Variants in CNTNAP2 observed in about 807,000 individuals in gnomAD.
CNTNAP2 encodes the protein contactin associated protein 2.
CNTNAP2 carries 98 observed loss-of-function variants against 155.2 expected under a neutral mutation model. The ratio of observed to expected loss-of-function variants is 0.63; its 90% confidence interval spans 0.54 to 0.75. The LOEUF (loss-of-function observed/expected upper bound fraction) is 0.75. Ranked by LOEUF, CNTNAP2 falls within the 30% of genes least tolerant of loss-of-function variation. The pLI, the probability that CNTNAP2 is intolerant of heterozygous loss-of-function variation, is 0.00. For missense variants in CNTNAP2, 1,727 were observed against 1,688.1 expected, an observed-to-expected ratio of 1.02 and a Z score of -0.40; for synonymous variants, 651 against 631.2, an observed-to-expected ratio of 1.03 and a Z score of -0.47.
chr7:146,693,554 T>A (rs1380883369), intron 1 of CNTNAP2, among the ~76,000 whole-genome samples: 2 of 152,156 alleles, frequency 1.3e-5, no homozygotes, highest in Non-Finnish European at 2.9e-5. Flanking sequence ...TTATAAGATA[T>A]AAGTTTAATT....
chr7:147,635,050 T>C (rs1795152306), intron 12 of CNTNAP2, among the ~76,000 whole-genome samples: 1 of 152,112 alleles, frequency 6.6e-6, no homozygotes, highest in Non-Finnish European at 1.5e-5. Flanking sequence ...ATAACTACCT[T>C]ACACATTCAA....
chr7:148,309,945 C>T (rs370097900), intron 21 of CNTNAP2, among the ~76,000 whole-genome samples: 2 of 151,968 alleles, frequency 1.3e-5, no homozygotes, highest in Non-Finnish European at 1.5e-5. Flanking sequence ...AGGGCTGCTT[C>T]GAGCGGGATT....
At chr7:146,207,089 G>T (rs147928376) in intron 1 of CNTNAP2, among the ~76,000 whole-genome samples, 1 of 151,904 alleles carries the variant, frequency 6.6e-6, no homozygotes, top group African/African-American at 2.4e-5. Flanking sequence ...TTGACCAAGT[G>T]CCTTTGACAA....
At chr7:147,000,206 TTC>T (rs1392418114) in intron 3 of CNTNAP2, among the ~76,000 whole-genome samples, 1 of 152,056 alleles carries the variant, frequency 6.6e-6, no homozygotes, top group Non-Finnish European at 1.5e-5. Flanking sequence ...GCTCTAGGAT[TTC>T]TGTTTGATTT....
intron 1 of CNTNAP2, among the ~76,000 whole-genome samples, chr7:146,390,560 A>G (rs1795525605): frequency 6.6e-6 from 1 of 150,784 alleles, no homozygotes; most frequent in Non-Finnish European, 1.5e-5. Context: ...CACACTATAT[A>G]TATATATTCT....
intron 1 of CNTNAP2, among the ~76,000 whole-genome samples, chr7:146,164,613 C>G (rs1160732164): frequency 1.3e-5 from 2 of 152,170 alleles, no homozygotes; most frequent in South Asian, 4.1e-4. Context: ...TTCTCAGTTT[C>G]CTTCTCATTT....
At chr7:146,244,467 G>A (rs376077526) in intron 1 of CNTNAP2, among the ~76,000 whole-genome samples, 1 of 152,198 alleles carries the variant, frequency 6.6e-6, no homozygotes, top group Non-Finnish European at 1.5e-5. Context: ...GTCTATACAG[G>A]AGCTCAAATG....
rs188762136 is a variant in CNTNAP2 at position 146,946,069 on chromosome 7, C to T, written c.403-97838C>T. Among the ~76,000 whole-genome samples, 4 of 139,252 alleles carry T rather than the reference C, an allele frequency of 2.9e-5. No individual in the cohort carries two copies. In the East Asian group the frequency reaches 7.8e-4, roughly 27 times the overall value. 91.4% of individuals were successfully genotyped at this position (139,252 alleles called of 152,430 possible). ...ATACTGAAAAGGAGACCCTTCCTTCCTTCCCTTCCTTCCTTCCTTCCTTCC... is the reference window on the plus strand; with the variant it reads ...ATACTGAAAAGGAGACCCTTCCTTCTTTCCCTTCCTTCCTTCCTTCCTTCC... On this transcript the variant is annotated intron_variant, in intron 3 of 23. Coordinates refer to ENST00000361727, the MANE Select transcript of CNTNAP2 (RefSeq NM_014141.6).
At chr7:146,732,220 C>T (rs1351261038) in intron 1 of CNTNAP2, among the ~76,000 whole-genome samples, 2 of 152,066 alleles carry the variant, frequency 1.3e-5, no homozygotes, top group Non-Finnish European at 2.9e-5. Context: ...ATTATTTTGA[C>T]CCTGCAAAGC....
chr7:147,616,781 G>T (rs1315618603), intron 12 of CNTNAP2, among the ~76,000 whole-genome samples: 1 of 152,018 alleles, frequency 6.6e-6, no homozygotes, highest in East Asian at 1.9e-4. Flanking sequence ...ACTGTAAGTT[G>T]CCTGAGATGA....
intron 4 of CNTNAP2, among the ~76,000 whole-genome samples, chr7:147,067,970 C>T (rs1301896836): frequency 6.6e-6 from 1 of 152,198 alleles, no homozygotes; most frequent in Non-Finnish European, 1.5e-5. Flanking sequence ...AGCCCATCGG[C>T]GTGTCAGCCT....
chr7:146,751,158 T>G (rs1801896343), intron 1 of CNTNAP2, among the ~76,000 whole-genome samples: 1 of 152,170 alleles, frequency 6.6e-6, no homozygotes, highest in Non-Finnish European at 1.5e-5. Flanking sequence ...TTAATAAATT[T>G]AAAGATAATC....
chr7:146,468,955 A>G (rs1796755286), intron 1 of CNTNAP2, among the ~76,000 whole-genome samples: 1 of 152,238 alleles, frequency 6.6e-6, no homozygotes, highest in Non-Finnish European at 1.5e-5. Flanking sequence ...TGGAAGAAAA[A>G]GAGGCACAGG....
At chr7:147,150,560 C>T (rs1219417031) in intron 8 of CNTNAP2, among the ~76,000 whole-genome samples, 2 of 152,046 alleles carry the variant, frequency 1.3e-5, no homozygotes, top group African/African-American at 4.8e-5. Flanking sequence ...AATTATTTTC[C>T]AACATCTACT....
At chr7:147,113,147 C>A (rs927018319) in intron 5 of CNTNAP2, among the ~76,000 whole-genome samples, 2 of 151,960 alleles carry the variant, frequency 1.3e-5, no homozygotes, top group Admixed American at 1.3e-4. Context: ...TTTTCCATTT[C>A]TTCTAGATTT....
intron 9 of CNTNAP2, among the ~76,000 whole-genome samples, chr7:147,348,095 C>T (rs1795908028): frequency 1.3e-5 from 2 of 152,112 alleles, no homozygotes; most frequent in South Asian, 4.1e-4. Context: ...AGCGGAAATG[C>T]TTCAGGATGT....
At chr7:148,250,349 C>T (rs752790557) in intron 20 of CNTNAP2, among the ~76,000 whole-genome samples, 1 of 152,166 alleles carries the variant, frequency 6.6e-6, no homozygotes, top group Non-Finnish European at 1.5e-5. Flanking sequence ...TTTACTTTTT[C>T]TCTGTGTCTC....
chr7:147,065,189 A>G (rs998391941), intron 4 of CNTNAP2, among the ~76,000 whole-genome samples: 4 of 152,122 alleles, frequency 2.6e-5, no homozygotes, highest in Non-Finnish European at 5.9e-5. Context: ...TCAGTTTCCT[A>G]TATGTAAGGT....
intron 3 of CNTNAP2, among the ~76,000 whole-genome samples, chr7:146,968,177 A>G (rs80106747): frequency 0.046 from 6,995 of 151,428 alleles, 226 homozygotes; most frequent in Non-Finnish European, 0.073. Flanking sequence ...ATCATGGTGG[A>G]TAAGCTTTTT....
Sources: allele counts gnomAD v4.1 joint callset (sites outside exome capture counted in the v4.1 genomes callset), GRCh38; gene constraint gnomAD v4.1.1; transcripts MANE v1.5; gene names NCBI Gene and HGNC (gene_info 2026-07-23, HGNC 2026-07-21).